The following HIVEP3 variants were observed in gnomAD, a reference collection of about 807,000 sequenced individuals.
The protein encoded by HIVEP3 is transcription factor HIVEP3.
In HIVEP3, 49 loss-of-function variants were observed where a neutral mutation model predicts 152.8. That is an observed-to-expected ratio of 0.32 (90% CI 0.26 to 0.41). HIVEP3 has a LOEUF of 0.41. Ranked by LOEUF, HIVEP3 falls within the 10% of genes least tolerant of loss-of-function variation. The probability of loss-of-function intolerance (pLI) is 1.00; values close to 1 mark genes in which losing one functional copy is unlikely to be tolerated. For missense variants in HIVEP3, 2,790 were observed against 3,103.3 expected (o/e 0.90, Z 2.40); for synonymous variants, 1,269 against 1,289.0 (o/e 0.98, Z 0.33).
At chr1:41,614,780 C>T (rs1419336285) in intron 3 of HIVEP3, among the ~76,000 whole-genome samples, 1 of 152,192 alleles carries the variant, frequency 6.6e-6, no homozygotes, top group Non-Finnish European at 1.5e-5. Flanking sequence ...ATACAGCAGT[C>T]AGAGGAAGAA....
intron 1 of HIVEP3, among the ~76,000 whole-genome samples, chr1:42,017,766 G>A (rs1028291933): frequency 6.6e-6 from 1 of 151,948 alleles, no homozygotes; most frequent in African/African-American, 2.4e-5. Context: ...TACTACATTT[G>A]TTTGTCATAT....
chr1:42,001,261 C>T (rs1461046524), intron 1 of HIVEP3, among the ~76,000 whole-genome samples: 1 of 152,226 alleles, frequency 6.6e-6, no homozygotes, highest in Non-Finnish European at 1.5e-5. Context: ...AACCTAGACA[C>T]TGAACTGTCA....
At chr1:41,890,657 A>G (rs1010274725) in intron 1 of HIVEP3, among the ~76,000 whole-genome samples, 1 of 152,224 alleles carries the variant, frequency 6.6e-6, no homozygotes, top group African/African-American at 2.4e-5. Context: ...CGGAAAACCA[A>G]CTTGGTAAGT....
At chr1:41,518,360 C>A in intron 7 of HIVEP3, 42 bp downstream of exon 7, 3 of 1,533,262 alleles carry the variant, frequency 2.0e-6, no homozygotes, top group Non-Finnish European at 2.7e-6. Context: ...ATAGGGAAAG[C>A]GGACAAGGGG....
At chr1:41,956,249 A>G (rs778447266) in intron 1 of HIVEP3, among the ~76,000 whole-genome samples, 8 of 152,282 alleles carry the variant, frequency 5.3e-5, no homozygotes, top group Non-Finnish European at 1.2e-4. Flanking sequence ...CCTGACAGGC[A>G]GAGAAACTAA....
Position 41,589,824 on chromosome 1 carries a change from A to C in HIVEP3, c.-521-4506T>G, listed in dbSNP as rs775531850. Among the ~76,000 whole-genome samples the C allele has an allele frequency of 3.9e-4, 59 of 152,068 alleles. 1 individual carries two copies. The highest frequency in any genetic ancestry group is 6.2e-4 in the South Asian group (3 of 4,820). ...GCTTGTAATTTACTTACACACACAC[A>C]CCCCCACATATCCCAACATGCCAAA... On this transcript the variant is annotated intron_variant, in intron 3 of 8. Coordinates refer to ENST00000372583, the MANE Select transcript of HIVEP3 (RefSeq NM_024503.5).
Position 41,509,231 on chromosome 1 carries a change from A to C in HIVEP3, c.*1220T>G, listed in dbSNP as rs1199708925. 4 of 152,208 alleles carry C rather than the reference A, an allele frequency of 2.6e-5. No homozygotes were observed. Among genetic ancestry groups the C allele is most frequent in the Non-Finnish European group, 4.4e-5 (3 of 68,042 alleles). 9.4% of individuals were successfully genotyped at this position (152,208 alleles called of 1,614,324 possible). A position where few individuals can be genotyped will look rare whatever the true frequency, so the allele number is the denominator to read the frequency against. ...ACACCATCCTCTCTCTTTTTAAAAAAGAGGTGTAAGACAGCAAACAGGTCC... is the reference window on the plus strand; with the variant it reads ...ACACCATCCTCTCTCTTTTTAAAAACGAGGTGTAAGACAGCAAACAGGTCC... On this transcript the variant is annotated 3_prime_UTR_variant, in exon 9 of 9. Transcript: ENST00000372583.
At chr1:41,839,788 TC>T (rs1462670791) in intron 1 of HIVEP3, among the ~76,000 whole-genome samples, 1 of 152,102 alleles carries the variant, frequency 6.6e-6, no homozygotes, top group African/African-American at 2.4e-5. Flanking sequence ...AGAGTAACGG[TC>T]TACCTTGCTT....
intron 1 of HIVEP3, among the ~76,000 whole-genome samples, chr1:41,763,741 G>T (rs994886934): frequency 1.3e-5 from 2 of 152,192 alleles, no homozygotes; most frequent in Non-Finnish European, 2.9e-5. Flanking sequence ...AATAAAGTTT[G>T]GAGATTGTGT....
chr1:41,581,523 G>A lies in HIVEP3; in HGVS notation c.3275C>T (p.Ala1092Val). ...KSSLSQISSA[A>V]TSHGGPPGGK... ...TCCCGGGGGTCCACCATGTGAGGTG[G>A]CCGCAGAGGAAATCTGGGACAATGA... Residue 1092 changes from alanine (A) to valine (V), a missense_variant, in exon 4 of 9, where the codon GCC becomes GTC. Coordinates refer to ENST00000372583, the MANE Select transcript of HIVEP3 (RefSeq NM_024503.5). The surrounding 1 kb of genome is among the most constrained non-coding windows in gnomAD (Gnocchi z 4.5). The A allele has an allele frequency of 6.3e-7, 1 of 1,588,808 alleles. No individual in the cohort carries two copies. Among genetic ancestry groups the A allele is most frequent in the African/African-American group, 1.3e-5 (1 of 74,334 alleles).
intron 1 of HIVEP3, among the ~76,000 whole-genome samples, chr1:41,903,189 C>T (rs1248595952): frequency 6.6e-6 from 1 of 152,200 alleles, no homozygotes; most frequent in Admixed American, 6.5e-5. Context: ...CTCCCTTGCT[C>T]AAAGCTGATT....
At chr1:41,888,676 A>G (rs1180271439) in intron 1 of HIVEP3, among the ~76,000 whole-genome samples, 7 of 150,660 alleles carry the variant, frequency 4.6e-5, no homozygotes, top group Non-Finnish European at 1.0e-4. Flanking sequence ...CACATACCTC[A>G]TGTACCCCCC....
At position 41,513,273 on chromosome 1, in the gene HIVEP3, C is replaced by T. The variant is rs185641435; in HGVS notation, c.5948G>A (p.Arg1983His). Reference protein sequence around the residue: ...KEAGSRPPLARKHSLTKNDSS... With the variant: ...KEAGSRPPLAHKHSLTKNDSS... ...GTCGTTTTTGGTTAGCGAGTGTTTG[C>T]GGGCTAGTGGTGGACGGCTGCCTGC... The change falls in exon 8 of 9, where the codon CGC (arginine) becomes CAC (histidine). Residue 1983 changes from arginine (R) to histidine (H), a missense_variant. By Grantham distance (29) the Arg-to-His change is conservative. Transcript: ENST00000372583. The T allele has an allele frequency of 3.0e-5, 45 of 1,503,148 alleles. No individual in the cohort carries two copies. The highest frequency in any genetic ancestry group is 2.1e-4 in the South Asian group (19 of 89,208). The allele number at this position is 1,503,148 out of a possible 1,614,324, so 93.1% of individuals were successfully genotyped here. A position where few individuals can be genotyped will look rare whatever the true frequency, so the allele number is the denominator to read the frequency against.
At chr1:42,003,456 GT>G (rs1645440106) in intron 1 of HIVEP3, among the ~76,000 whole-genome samples, 1 of 152,172 alleles carries the variant, frequency 6.6e-6, no homozygotes, top group Admixed American at 6.5e-5. Flanking sequence ...TTTCTGAGCT[GT>G]TTTCCAAAGC....
At position 41,533,304 on chromosome 1, in the gene HIVEP3, C is replaced by T. The variant is rs1043322083; in HGVS notation, c.5208-8394G>A. Among the ~76,000 whole-genome samples, 2 of 152,106 alleles carry T rather than the reference C, an allele frequency of 1.3e-5. No homozygotes were observed. The highest frequency in any genetic ancestry group is 1.5e-5 in the Non-Finnish European group (1 of 68,010). ...CAGCTCCTCCTGCGGTGCCAGAGCC[C>T]ACCCCACCCACTGTCCTCTCCCACA... On this transcript the variant is annotated intron_variant, in intron 5 of 8. Coordinates refer to ENST00000372583, the MANE Select transcript of HIVEP3 (RefSeq NM_024503.5). The surrounding 1 kb of genome is among the most constrained non-coding windows in gnomAD (Gnocchi z 4.3).
chr1:41,711,647 C>T (rs1346118642), intron 1 of HIVEP3, among the ~76,000 whole-genome samples: 2 of 152,212 alleles, frequency 1.3e-5, no homozygotes, highest in African/African-American at 2.4e-5. Context: ...GCCCGGCTTT[C>T]GGTAAAAGCT....
chr1:41,901,022 G>A (rs1644612615), intron 1 of HIVEP3, among the ~76,000 whole-genome samples: 2 of 152,128 alleles, frequency 1.3e-5, no homozygotes, highest in Admixed American at 1.3e-4. Context: ...AGCAATGGTG[G>A]CCTGGAGAGG....
chr1:41,676,316 C>T (rs936414652), intron 2 of HIVEP3, among the ~76,000 whole-genome samples: 2 of 152,172 alleles, frequency 1.3e-5, no homozygotes, highest in African/African-American at 4.8e-5. Context: ...TCTGAAAGTG[C>T]TGGGATTACA....
intron 3 of HIVEP3, among the ~76,000 whole-genome samples, chr1:41,622,673 C>T (rs6658500): frequency 0.62 from 94,025 of 152,076 alleles, 29,580 homozygotes; most frequent in African/African-American, 0.74. Flanking sequence ...GCCATAGACG[C>T]TGGAAGCTAT....
Sources: allele counts gnomAD v4.1 joint callset (sites outside exome capture counted in the v4.1 genomes callset), GRCh38; gene constraint gnomAD v4.1.1; non-coding constraint Gnocchi (gnomAD v3.1); transcripts MANE v1.5; gene names NCBI Gene and HGNC (gene_info 2026-07-23, HGNC 2026-07-21).